AMMECR1: variants seen among roughly 807,000 people sequenced by gnomAD.
AMMECR1 encodes AMMECR nuclear protein 1, also known as nuclear protein AMMECR1.
Under a neutral mutation model 22.5 loss-of-function variants are expected in AMMECR1, and 3 were observed. That is an observed-to-expected ratio of 0.13 (90% CI 0.06 to 0.35). The LOEUF (loss-of-function observed/expected upper bound fraction) is 0.35. AMMECR1 is among the 10% of genes least tolerant of loss of function. The pLI, the probability that AMMECR1 is intolerant of heterozygous loss-of-function variation, is 1.00. For synonymous variants in AMMECR1, 130 were observed against 116.7 expected (o/e 1.11, Z -0.74); for missense variants, 235 against 278.7 (o/e 0.84, Z 1.12).
intron 2 of AMMECR1, among the ~76,000 whole-genome samples, chrX:110,236,221 G>A (rs773827525): frequency 1.8e-5 from 2 of 111,834 alleles, no homozygotes; most frequent in South Asian, 3.7e-4. Context: ...TGCCAAGCAC[G>A]AGTATACATC....
chrX:110,225,767 C>T (rs139925029), intron 2 of AMMECR1, among the ~76,000 whole-genome samples: 99 of 111,847 alleles, frequency 8.9e-4, no homozygotes, highest in Middle Eastern at 9.2e-3. Context: ...TAGAAATCTA[C>T]TTAACTAGGT....
intron 2 of AMMECR1, among the ~76,000 whole-genome samples, chrX:110,384,045 C>A (rs1313829518): frequency 8.9e-6 from 1 of 111,882 alleles, no homozygotes; most frequent in East Asian, 2.8e-4. Flanking sequence ...TATTATACAT[C>A]ATCATTTCTT....
At chrX:110,380,286 T>C (rs1049626643) in intron 2 of AMMECR1, among the ~76,000 whole-genome samples, 4 of 111,688 alleles carry the variant, frequency 3.6e-5, no homozygotes, top group African/African-American at 1.3e-4. Context: ...ATAAAAGATT[T>C]TGTAGTAGGA....
rs780639516 is a variant in AMMECR1, at chrX:110,219,121, G to A, written c.585-2489C>T. Among the ~76,000 whole-genome samples, 392 of 111,876 alleles carry A rather than the reference G, an allele frequency of 3.5e-3. 2 individuals carry two copies. Among genetic ancestry groups the A allele is most frequent in the African/African-American group, 0.012 (380 of 30,917 alleles). On this transcript the variant is annotated intron_variant, in intron 2 of 5. Transcript: ENST00000262844. Reference sequence around the variant, plus strand: ...AGGGAATTGATGTATAAGTTTTAATGTGGATGTATGTTTTCATTTCTCTTG... The same window carrying A: ...AGGGAATTGATGTATAAGTTTTAATATGGATGTATGTTTTCATTTCTCTTG...
chrX:110,312,308 A>T, intron 1 of AMMECR1, among the ~76,000 whole-genome samples: 1 of 112,864 alleles, frequency 8.9e-6, no homozygotes, highest in Non-Finnish European at 1.9e-5. Flanking sequence ...TACAGTTTTT[A>T]AAAAGACAAC....
chrX:110,327,732 T>G (rs1319814681), intron 2 of AMMECR1, among the ~76,000 whole-genome samples: 1 of 112,070 alleles, frequency 8.9e-6, no homozygotes, highest in African/African-American at 3.2e-5. Context: ...TTATTTTAAG[T>G]AGTTGTTATT....
At chrX:110,274,920 A>G in intron 1 of AMMECR1, among the ~76,000 whole-genome samples, 1 of 111,563 alleles carries the variant, frequency 9.0e-6, no homozygotes, top group East Asian at 2.8e-4. Context: ...TCTTTATCTT[A>G]TTGCAACCTA....
chrX:110,254,638 A>C (rs1373793762), intron 2 of AMMECR1, among the ~76,000 whole-genome samples: 1 of 107,970 alleles, frequency 9.3e-6, no homozygotes, highest in African/African-American at 3.5e-5. Context: ...GAACAGATAC[A>C]AAAAAAAAGA....
At chrX:110,243,059 T>A (rs982596036) in intron 2 of AMMECR1, among the ~76,000 whole-genome samples, 20 of 112,606 alleles carry the variant, frequency 1.8e-4, no homozygotes, top group Non-Finnish European at 2.8e-4. Context: ...TCAACGTCTG[T>A]ACCAAAGGAA....
chrX:110,217,502 T>TACACACACACACACACACACACAC (rs759487797), intron 2 of AMMECR1, among the ~76,000 whole-genome samples: 5 of 88,568 alleles, frequency 5.6e-5, no homozygotes, highest in African/African-American at 2.0e-4. Context: ...GAATAGAAAA[T>TACACACACACACACACACACACAC]ACACACACAC....
At chrX:110,327,345 A>G (rs1054387741) in intron 2 of AMMECR1, among the ~76,000 whole-genome samples, 2 of 112,435 alleles carry the variant, frequency 1.8e-5, no homozygotes, top group African/African-American at 6.5e-5. Flanking sequence ...AGCAACTGAC[A>G]TAGTGGGAAA....
intron 1 of AMMECR1, among the ~76,000 whole-genome samples, chrX:110,311,177 A>C (rs1186119896): frequency 1.8e-5 from 2 of 111,616 alleles, no homozygotes; most frequent in Non-Finnish European, 3.8e-5. Context: ...GTTTAAGAAC[A>C]ACCAAGTAAG....
At chrX:110,357,788 A>T (rs547249873) in intron 2 of AMMECR1, among the ~76,000 whole-genome samples, 1 of 111,752 alleles carries the variant, frequency 8.9e-6, no homozygotes, top group Non-Finnish European at 1.9e-5. Context: ...GCATGTTTCT[A>T]CATACCCACA....
intron 1 of AMMECR1, among the ~76,000 whole-genome samples, chrX:110,300,983 G>A (rs1277215572): frequency 9.0e-6 from 1 of 111,731 alleles, no homozygotes; most frequent in Non-Finnish European, 1.9e-5. Flanking sequence ...GGCTTCCTCA[G>A]TGACAGTTCT....
Position 110,396,008 on chromosome X carries a change from G to A in AMMECR1, c.-148+30650C>T, listed in dbSNP as rs953850590. ...AGTACTTTACAAAGAACATAGAGAG[G>A]TGAAGTGGGTACTTTTCAATTTTTG... On this transcript the variant is annotated intron_variant, in intron 2 of 7. Transcript: ENST00000372057. 2.7e-5 allele frequency among the ~76,000 whole-genome samples: 3 copies of A among 111,415 alleles called. No individual in the cohort carries two copies. The Admixed American group carries it at 2.9e-4, about 11-fold the overall frequency.
At chrX:110,286,671 CAAA>C (rs775821051) in intron 1 of AMMECR1, among the ~76,000 whole-genome samples, 4 of 66,966 alleles carry the variant, frequency 6.0e-5, no homozygotes, top group African/African-American at 5.5e-5. Context: ...GACCCTGTCT[CAAA>C]AAAAAAAAAA....
At chrX:110,213,813 A>T (rs756448465) in intron 3 of AMMECR1, among the ~76,000 whole-genome samples, 3 of 111,638 alleles carry the variant, frequency 2.7e-5, no homozygotes, top group Non-Finnish European at 5.6e-5. Flanking sequence ...GTACTTAAAA[A>T]TATAATTTCC....
At chrX:110,350,617 A>G (rs917550778) in intron 2 of AMMECR1, among the ~76,000 whole-genome samples, 1 of 112,030 alleles carries the variant, frequency 8.9e-6, no homozygotes, top group African/African-American at 3.2e-5. Flanking sequence ...AGAAATATAC[A>G]AAAATCAGTT....
intron 2 of AMMECR1, among the ~76,000 whole-genome samples, chrX:110,425,621 C>T (rs936989505): frequency 6.2e-5 from 7 of 112,959 alleles, no homozygotes; most frequent in African/African-American, 1.6e-4. Context: ...TGAGTACTTA[C>T]TATGGGCCAG....
Sources: allele counts gnomAD v4.1 joint callset (sites outside exome capture counted in the v4.1 genomes callset), GRCh38; gene constraint gnomAD v4.1.1; transcripts MANE v1.5; gene names NCBI Gene and HGNC (gene_info 2026-07-23, HGNC 2026-07-21).